Variants in PDE7B observed in about 807,000 individuals in gnomAD.
PDE7B encodes the protein phosphodiesterase 7B, also known as 3',5'-cyclic-AMP phosphodiesterase 7B.
PDE7B carries 29 observed loss-of-function variants against 56.2 expected under a neutral mutation model. The ratio of observed to expected loss-of-function variants is 0.52; its 90% CI spans 0.38 to 0.70. PDE7B has a LOEUF of 0.70. Among genes scored for constraint, PDE7B ranks in the 30% least tolerant of loss-of-function variants. The probability of loss-of-function intolerance (pLI) is 0.00; values close to 1 mark genes in which losing one functional copy is unlikely to be tolerated. For missense variants in PDE7B, 490 were observed against 565.0 expected, an observed-to-expected ratio of 0.87 and a Z score of 1.35; for synonymous variants, 197 against 196.9, an observed-to-expected ratio of 1.00 and a Z score of 0.00.
chr6:136,166,092 C>A (rs1337377134), intron 8 of PDE7B, among the ~76,000 whole-genome samples: 1 of 152,172 alleles, frequency 6.6e-6, no homozygotes, highest in Non-Finnish European at 1.5e-5. Context: ...GTTGTTACTG[C>A]TTAGGTTATT....
At chr6:136,009,165 G>A (rs1009326363) in intron 2 of PDE7B, among the ~76,000 whole-genome samples, 3 of 151,886 alleles carry the variant, frequency 2.0e-5, no homozygotes, top group Non-Finnish European at 2.9e-5. Context: ...CATTATTTCT[G>A]AGGGCTCTGT....
chr6:136,188,733 T>C (rs962151638), intron 12 of PDE7B, among the ~76,000 whole-genome samples: 2 of 152,202 alleles, frequency 1.3e-5, no homozygotes, highest in African/African-American at 2.4e-5. Flanking sequence ...TGTCCTGATT[T>C]TCAGCTCAGG....
intron 1 of PDE7B, among the ~76,000 whole-genome samples, chr6:135,869,313 T>C (rs528829611): frequency 6.6e-6 from 1 of 152,286 alleles, no homozygotes; most frequent in South Asian, 2.1e-4. Flanking sequence ...TACTGCATAG[T>C]ATATTTATGA....
At chr6:136,117,040 T>C (rs1357903059) in intron 3 of PDE7B, 1 of 152,204 alleles carries the variant, frequency 6.6e-6, no homozygotes, top group East Asian at 1.9e-4. Flanking sequence ...AAGTGACTTG[T>C]GTCAGATCCC....
intron 1 of PDE7B, among the ~76,000 whole-genome samples, chr6:135,902,560 T>G (rs2128192048): frequency 6.6e-6 from 1 of 152,328 alleles, no homozygotes; most frequent in East Asian, 1.9e-4. Flanking sequence ...CTGTGGCCTC[T>G]GCTTAATTTC....
chr6:136,170,636 A>G (rs1778863207), intron 8 of PDE7B, among the ~76,000 whole-genome samples: 2 of 152,168 alleles, frequency 1.3e-5, no homozygotes, highest in African/African-American at 4.8e-5. Context: ...GTAATTTACA[A>G]GGAAGCAAAA....
chr6:135,888,270 G>C (rs1316443126), intron 1 of PDE7B, among the ~76,000 whole-genome samples: 4 of 152,106 alleles, frequency 2.6e-5, no homozygotes, highest in Non-Finnish European at 5.9e-5. Flanking sequence ...CCTGCTCAAG[G>C]TCACACAATT....
intron 2 of PDE7B, among the ~76,000 whole-genome samples, chr6:136,007,664 AAAAG>A (rs1297398450): frequency 6.6e-6 from 1 of 151,880 alleles, no homozygotes; most frequent in East Asian, 1.9e-4. Flanking sequence ...AAAAAAAAAA[AAAAG>A]AAAATCAATT....
At chr6:135,868,311 A>T (rs541290587) in intron 1 of PDE7B, among the ~76,000 whole-genome samples, 1 of 152,354 alleles carries the variant, frequency 6.6e-6, no homozygotes, top group African/African-American at 2.4e-5. Context: ...CAGCATGGCC[A>T]TATCAATCAT....
chr6:136,066,852 C>CATT (rs1554277540), intron 2 of PDE7B, among the ~76,000 whole-genome samples: 3 of 138,288 alleles, frequency 2.2e-5, no homozygotes, highest in African/African-American at 2.6e-5. Context: ...TAACCATAAC[C>CATT]TTTTTTTTTT....
chr6:136,052,617 G>GCCCCCCCCCCCCCCCCCCCCCC (rs11400308), intron 2 of PDE7B, among the ~76,000 whole-genome samples: 2 of 142,792 alleles, frequency 1.4e-5, no homozygotes, highest in African/African-American at 5.3e-5. Context: ...TTAGGGTACA[G>GCCCCCCCCCCCCCCCCCCCCCC]CCCCCCCCCA....
intron 3 of PDE7B, among the ~76,000 whole-genome samples, chr6:136,117,589 G>C (rs1003522755): frequency 1.3e-5 from 2 of 152,174 alleles, no homozygotes; most frequent in Non-Finnish European, 2.9e-5. Context: ...TAAGTAAGCT[G>C]GGGAAGAAGG....
chr6:135,999,657 CTG>C (rs1775631307), intron 2 of PDE7B, among the ~76,000 whole-genome samples: 1 of 151,864 alleles, frequency 6.6e-6, no homozygotes, highest in South Asian at 2.1e-4. Context: ...CTTATCTAGT[CTG>C]TCACCGAGAG....
chr6:135,880,675 A>G (rs1208197981), intron 1 of PDE7B, among the ~76,000 whole-genome samples: 2 of 152,224 alleles, frequency 1.3e-5, no homozygotes, highest in Non-Finnish European at 2.9e-5. Context: ...CTGATCTTCC[A>G]CTGGGCCCTG....
At chr6:136,100,173 G>A (rs764072220) in intron 2 of PDE7B, among the ~76,000 whole-genome samples, 5 of 152,136 alleles carry the variant, frequency 3.3e-5, no homozygotes, top group African/African-American at 7.2e-5. Flanking sequence ...TTTGGTTACT[G>A]TAGCCTTGTA....
At chr6:136,077,429 T>G (rs1421813427) in intron 2 of PDE7B, among the ~76,000 whole-genome samples, 1 of 152,132 alleles carries the variant, frequency 6.6e-6, no homozygotes, top group African/African-American at 2.4e-5. Context: ...AACCCTAAAT[T>G]GGAATGATTG....
rs143421634 is a variant in PDE7B at position 136,145,992 on chromosome 6, A to G, written c.167-1359A>G. 1.4e-4 allele frequency among the ~76,000 whole-genome samples: 22 copies of G among 152,320 alleles called. No individual in the cohort carries two copies. In the East Asian group the frequency reaches 3.9e-3, roughly 27 times the overall value. ...ATAGATGTCTAAATACAACATGTGT[A>G]AAACTGAACCACTCCAGACCTGGTC... On this transcript the variant is annotated intron_variant, in intron 3 of 12. Coordinates refer to ENST00000308191, the MANE Select transcript of PDE7B (RefSeq NM_018945.4).
chr6:135,948,480 C>A (rs1774628360), intron 2 of PDE7B, among the ~76,000 whole-genome samples: 1 of 151,844 alleles, frequency 6.6e-6, no homozygotes, highest in Non-Finnish European at 1.5e-5. Flanking sequence ...AAGCAGACAG[C>A]AAGTTAAATA....
At chr6:135,933,139 ACT>A (rs2128197289) in intron 1 of PDE7B, among the ~76,000 whole-genome samples, 1 of 152,346 alleles carries the variant, frequency 6.6e-6, no homozygotes, top group South Asian at 2.1e-4. Context: ...ATTCAAACTC[ACT>A]GTTACTAGAC....
Sources: allele counts gnomAD v4.1 joint callset (sites outside exome capture counted in the v4.1 genomes callset), GRCh38; gene constraint gnomAD v4.1.1; transcripts MANE v1.5; gene names NCBI Gene and HGNC (gene_info 2026-07-23, HGNC 2026-07-21).